The following NYAP2 variants were observed in gnomAD, a reference collection of about 807,000 sequenced individuals.
The protein encoded by NYAP2 is neuronal tyrosine-phosphorylated phosphoinositide-3-kinase adaptor 2, also known as neuronal tyrosine-phosphorylated phosphoinositide-3-kinase adapter 2.
In NYAP2, 23 loss-of-function variants were observed where a neutral mutation model predicts 50.4. The observed-to-expected ratio is 0.46, with a 90% CI of 0.33 to 0.65. The LOEUF (loss-of-function observed/expected upper bound fraction) is 0.65, where lower values mean the gene tolerates loss of function less well. Ranked by LOEUF, NYAP2 falls within the 30% of genes least tolerant of loss-of-function variation. The pLI, the probability that NYAP2 is intolerant of heterozygous loss-of-function variation, is 0.02. For synonymous variants in NYAP2, 394 were observed against 365.2 expected (o/e 1.08, Z -0.90); for missense variants, 885 against 861.0 (o/e 1.03, Z -0.35).
chr2:225,665,266 C>A, the NYAP2 span, among the ~76,000 whole-genome samples: 1 of 152,000 alleles, frequency 6.6e-6, no homozygotes, highest in Non-Finnish European at 1.5e-5. Flanking sequence ...AGACCTCCTC[C>A]TTGGGTGATT....
At chr2:225,433,346 A>T (rs1689299464) in intron 3 of NYAP2, among the ~76,000 whole-genome samples, 1 of 109,124 alleles carries the variant, frequency 9.2e-6, no homozygotes, top group Non-Finnish European at 2.0e-5. Flanking sequence ...AAGTAGTGAG[A>T]CCCTATCTGT....
chr2:225,689,310 T>C, the NYAP2 span, among the ~76,000 whole-genome samples: 1 of 152,204 alleles, frequency 6.6e-6, no homozygotes, highest in Non-Finnish European at 1.5e-5. Flanking sequence ...AACTGTCTTA[T>C]TCATTTATAA....
chr2:225,611,852 A>T (rs1014373416), intron 5 of NYAP2, among the ~76,000 whole-genome samples: 6 of 149,710 alleles, frequency 4.0e-5, no homozygotes, highest in African/African-American at 1.5e-4. Flanking sequence ...CATAATAAGT[A>T]TATATATAGA....
At chr2:225,429,412 A>G (rs1480495682) in intron 3 of NYAP2, among the ~76,000 whole-genome samples, 1 of 152,218 alleles carries the variant, frequency 6.6e-6, no homozygotes, top group Non-Finnish European at 1.5e-5. Flanking sequence ...CGGATCCGTA[A>G]TAGTGTCTTC....
chr2:225,482,581 G>A (rs1416105281), intron 3 of NYAP2, among the ~76,000 whole-genome samples: 1 of 152,128 alleles, frequency 6.6e-6, no homozygotes, highest in Non-Finnish European at 1.5e-5. Flanking sequence ...CTTCTGAAAT[G>A]CATCTGTTTA....
intron 5 of NYAP2, among the ~76,000 whole-genome samples, chr2:225,620,425 ACG>A (rs1693074205): frequency 3.3e-5 from 1 of 30,542 alleles, no homozygotes; most frequent in African/African-American, 8.3e-5. Context: ...ATGCACGCAC[ACG>A]CACGCACACA....
intron 5 of NYAP2, among the ~76,000 whole-genome samples, chr2:225,596,427 T>A (rs756541562): frequency 6.6e-6 from 1 of 152,298 alleles, no homozygotes; most frequent in African/African-American, 2.4e-5. Flanking sequence ...TTTTCTGGCA[T>A]AAAGTGTATG....
intron 4 of NYAP2, among the ~76,000 whole-genome samples, chr2:225,574,020 A>G (rs1366795983): frequency 6.6e-6 from 1 of 152,202 alleles, no homozygotes; most frequent in South Asian, 2.1e-4. Context: ...TTCCAGCCAC[A>G]ATATTTCCAA....
At chr2:225,520,182 A>C (rs1691021701) in intron 4 of NYAP2, among the ~76,000 whole-genome samples, 1 of 152,256 alleles carries the variant, frequency 6.6e-6, no homozygotes, top group Non-Finnish European at 1.5e-5. Context: ...GCCTTTTGTC[A>C]GATGAGTAGG....
chr2:225,435,339 G>T (rs1689358654), intron 3 of NYAP2, among the ~76,000 whole-genome samples: 1 of 152,154 alleles, frequency 6.6e-6, no homozygotes, highest in Admixed American at 6.5e-5. Context: ...AAAAATATAA[G>T]TCTACTGAAA....
intron 2 of NYAP2, among the ~76,000 whole-genome samples, chr2:225,407,192 A>C (rs544378737): frequency 1.3e-5 from 2 of 151,980 alleles, no homozygotes; most frequent in East Asian, 3.9e-4. Context: ...TCTGAGAATC[A>C]TTTTCTTGTA....
rs966253163 is a variant in NYAP2 at position 225,442,212 on chromosome 2, T to C, written c.221+33111T>C. On this transcript the variant is annotated intron_variant, in intron 3 of 6. Transcript: ENST00000636099. ...GAGTTAGGTGAGGAGGAGTAGTTGATTAGCCATGGAAAAATACAAAATTCA... is the reference window on the plus strand; with the variant it reads ...GAGTTAGGTGAGGAGGAGTAGTTGACTAGCCATGGAAAAATACAAAATTCA... Among the ~76,000 whole-genome samples the C allele has an allele frequency of 2.6e-5, 4 of 152,288 alleles. No individual in the cohort carries two copies. In the East Asian group the frequency reaches 7.7e-4, roughly 29 times the overall value.
intron 3 of NYAP2, among the ~76,000 whole-genome samples, chr2:225,446,640 A>C (rs1019620449): frequency 6.6e-6 from 1 of 152,132 alleles, no homozygotes; most frequent in Non-Finnish European, 1.5e-5. Context: ...AATGGTGACA[A>C]TCTTTAGTGG....
At chr2:225,470,790 A>G (rs987257331) in intron 3 of NYAP2, among the ~76,000 whole-genome samples, 4 of 149,674 alleles carry the variant, frequency 2.7e-5, no homozygotes, top group African/African-American at 7.7e-5. Context: ...CAGATCTTAC[A>G]TGAAATATAT....
chr2:225,423,358 TG>T (rs1328894463), intron 3 of NYAP2, among the ~76,000 whole-genome samples: 1 of 152,230 alleles, frequency 6.6e-6, no homozygotes, highest in African/African-American at 2.4e-5. Context: ...CACAGCCCCC[TG>T]TGTAAGCTGC....
At chr2:225,687,034 G>C in the NYAP2 span, among the ~76,000 whole-genome samples, 3 of 152,110 alleles carry the variant, frequency 2.0e-5, no homozygotes, top group Non-Finnish European at 4.4e-5. Context: ...TTTCTAATAA[G>C]AACTACTTTA....
chr2:225,607,006 A>G (rs1043563386), intron 5 of NYAP2, among the ~76,000 whole-genome samples: 2 of 152,136 alleles, frequency 1.3e-5, no homozygotes, highest in African/African-American at 4.8e-5. Context: ...TCCTTGAAAC[A>G]GGTCAGTTTT....
At chr2:225,477,785 A>G (rs1186863343) in intron 3 of NYAP2, among the ~76,000 whole-genome samples, 1 of 152,200 alleles carries the variant, frequency 6.6e-6, no homozygotes, top group African/African-American at 2.4e-5. Flanking sequence ...ATACACATGT[A>G]TATCTATATC....
At chr2:225,656,516 C>G (rs543437322), downstream of NYAP2, among the ~76,000 whole-genome samples, 36 of 152,282 alleles carry the variant, frequency 2.4e-4, no homozygotes, top group African/African-American at 8.7e-4. Context: ...GCCTCTGGAG[C>G]AGATGCAGGT....
Sources: gnomAD v4.1 joint callset for allele counts (sites outside exome capture counted in the v4.1 genomes callset) on GRCh38, gnomAD v4.1.1 for gene constraint, MANE v1.5 for transcripts, NCBI Gene and HGNC (gene_info 2026-07-23, HGNC 2026-07-21) for gene names.